Variants in CMTM1 observed in about 807,000 individuals in gnomAD.
CMTM1 encodes CKLF like MARVEL transmembrane domain containing 1, also known as CKLF-like MARVEL transmembrane domain-containing protein 1.
Under a neutral mutation model 17.8 loss-of-function variants are expected in CMTM1, and 16 were observed. The ratio of observed to expected loss-of-function variants is 0.90; its 90% CI spans 0.61 to 1.37. The LOEUF (loss-of-function observed/expected upper bound fraction) is 1.37. Among genes scored for constraint, CMTM1 ranks in the 40% most tolerant of loss-of-function variants. CMTM1 has a pLI of 0.00. For synonymous variants in CMTM1, 169 were observed against 154.6 expected, an observed-to-expected ratio of 1.09 and a Z score of -0.69; for missense variants, 354 against 375.6, an observed-to-expected ratio of 0.94 and a Z score of 0.47.
chr16:66,570,172 A>ACAACG, intron 2 of CMTM1, 78 bp downstream of exon 2: 3 of 1,137,884 alleles, frequency 2.6e-6, no homozygotes, highest in Middle Eastern at 4.1e-4. Context: ...TTAAGTGAAA[A>ACAACG]CAACGGAGCT....
chr16:66,577,446 T>C (rs946354446), intron 3 of CMTM1, among the ~76,000 whole-genome samples: 7 of 152,242 alleles, frequency 4.6e-5, no homozygotes, highest in Admixed American at 6.5e-5. Context: ...CTTTTGAGAA[T>C]TGTGGACACT....
At chr16:66,567,024 C>T (rs1425441483) in intron 1 of CMTM1, 79 bp downstream of exon 1, 2 of 1,434,926 alleles carry the variant, frequency 1.4e-6, no homozygotes, top group Non-Finnish European at 1.9e-6. Flanking sequence ...GGGGTGCCAG[C>T]TCCAGAAACC....
Position 66,577,905 on chromosome 16 carries a change from T to G in CMTM1, c.690+703T>G, listed in dbSNP as rs148821481. On this transcript the variant is annotated intron_variant, in intron 3 of 3. Transcript: ENST00000379500. ...GAAATTAATGCAGAAAAAGAGTTCA[T>G]TTGAATTCATTCTATAATCAATAAA... Among the ~76,000 whole-genome samples the G allele has an allele frequency of 5.9e-3, 895 of 152,354 alleles. 5 individuals are homozygous for G. Among genetic ancestry groups the G allele is most frequent in the Non-Finnish European group, 0.011 (728 of 68,034 alleles).
chr16:66,567,796 A>G (rs1003309979), intron 1 of CMTM1, among the ~76,000 whole-genome samples: 4 of 152,234 alleles, frequency 2.6e-5, no homozygotes, highest in African/African-American at 9.6e-5. Flanking sequence ...CATCAGCAAA[A>G]CTGAAAGGAT....
chr16:66,570,148 A>G (rs993570402), intron 2 of CMTM1, 54 bp downstream of exon 2: 2 of 1,394,758 alleles, frequency 1.4e-6, no homozygotes, highest in Non-Finnish European at 2.0e-6. Context: ...TCAGCCCCAG[A>G]GTAAGGGCTC....
chr16:66,574,837 A>AT, intron 2 of CMTM1: 1 of 572,036 alleles, frequency 1.7e-6, no homozygotes, highest in East Asian at 1.4e-4. Flanking sequence ...ACAGAGAGCA[A>AT]TTTTTAAAAA....
chr16:66,567,471 G>T (rs8057828), intron 1 of CMTM1: 11,916 of 220,780 alleles, frequency 0.054, 553 homozygotes, highest in Admixed American at 0.12. Flanking sequence ...CCATGTCCCC[G>T]CAAAGGACAT....
rs150962863 is a variant in CMTM1 at position 66,566,595 on chromosome 16, G to T, written c.82G>T (p.Ala28Ser). ...LKQPETAAALASSGSVVSSVP... is the reference protein window; with the variant it reads ...LKQPETAAALSSSGSVVSSVP... Reference sequence around the variant, plus strand: ...ACAACCGGAGACTGCCGCAGCCCTGGCAAGTAGCGGCAGCGTAGTGAGTTC... The same window carrying T: ...ACAACCGGAGACTGCCGCAGCCCTGTCAAGTAGCGGCAGCGTAGTGAGTTC... The change falls in exon 1 of 4, where the codon GCA becomes TCA. Residue 28 changes from alanine (A) to serine (S), a missense_variant. By Grantham distance (99) the Ala-to-Ser change is moderately conservative (BLOSUM62 1). Transcript: ENST00000379500. This position sits in a 1 kb window ranked among gnomAD's most constrained non-coding sequence, Gnocchi z 4.9. 5.0e-6 allele frequency: 8 copies of T among 1,614,010 alleles called. No individual in the cohort carries two copies. Among genetic ancestry groups the T allele is most frequent in the Non-Finnish European group, 6.8e-6 (8 of 1,179,966 alleles).
At position 66,566,543 on chromosome 16, in the gene CMTM1, A is replaced by T. The variant is rs1567368759; in HGVS notation, c.30A>T (p.Ser10=). 6.2e-7 allele frequency: 1 copy of T among 1,613,030 alleles called. No homozygotes were observed. The highest frequency in any genetic ancestry group is 2.2e-5 in the East Asian group (1 of 44,868). The change falls in exon 1 of 4, where the codon TCA becomes TCT. Residue 10 remains serine (S), a synonymous_variant. Coordinates refer to ENST00000379500, the MANE Select transcript of CMTM1 (RefSeq NM_052999.4). This position sits in a 1 kb window ranked among gnomAD's most constrained non-coding sequence, Gnocchi z 4.9. The part of the protein sequence containing the change: MDPEHAKPE[S]SEAPSGNLKQ... ...ATCCTGAACACGCCAAACCTGAGTCATCCGAGGCACCTTCAGGGAACTTGA... is the reference window on the plus strand; with the variant it reads ...ATCCTGAACACGCCAAACCTGAGTCTTCCGAGGCACCTTCAGGGAACTTGA...
intron 2 of CMTM1, among the ~76,000 whole-genome samples, chr16:66,571,838 T>G (rs983304956): frequency 1.3e-5 from 2 of 152,296 alleles, no homozygotes; most frequent in African/African-American, 4.8e-5. Context: ...TACTTTGCTG[T>G]AGGGTTCAGT....
At position 66,571,310 on chromosome 16, in the gene CMTM1, A is replaced by G. The variant is rs2013498139; in HGVS notation, c.591+1216A>G. 5.1e-6 allele frequency: 2 copies of G among 395,166 alleles called. 1 individual carries two copies. The highest frequency in any genetic ancestry group is 3.7e-5 in the South Asian group (2 of 53,802). 24.5% of individuals were successfully genotyped at this position (395,166 alleles called of 1,614,324 possible). A position where few individuals can be genotyped will look rare whatever the true frequency, so the allele number is the denominator to read the frequency against. On this transcript the variant is annotated intron_variant, in intron 2 of 3. Coordinates refer to ENST00000379500, the MANE Select transcript of CMTM1 (RefSeq NM_052999.4). ...TTTGAGCATATACCATGTGCCAGAT[A>G]CTTTTTCATGTCACCTTATTTAATC...
intron 1 of CMTM1, among the ~76,000 whole-genome samples, chr16:66,568,235 CAAG>C (rs1359337228): frequency 6.6e-6 from 1 of 151,974 alleles, no homozygotes; most frequent in African/African-American, 2.4e-5. Context: ...TACAATACCA[CAAG>C]AAAGAAACAG....
intron 2 of CMTM1, among the ~76,000 whole-genome samples, chr16:66,576,072 C>T (rs1375899948): frequency 2.0e-5 from 3 of 152,204 alleles, no homozygotes; most frequent in Non-Finnish European, 4.4e-5. Flanking sequence ...CATTTCAGCA[C>T]ACAAAGAAGC....
intron 1 of CMTM1, among the ~76,000 whole-genome samples, chr16:66,569,609 C>A (rs1032236516): frequency 4.6e-5 from 7 of 152,148 alleles, no homozygotes; most frequent in African/African-American, 1.4e-4. Context: ...CTGTTTCTAC[C>A]AAAATCAATG....
chr16:66,570,701 G>A (rs4783569), intron 2 of CMTM1, among the ~76,000 whole-genome samples: 7,718 of 152,312 alleles, frequency 0.051, 320 homozygotes, highest in East Asian at 0.12. Flanking sequence ...GAGGCAGTAC[G>A]GTTTTGTCCA....
intron 1 of CMTM1, among the ~76,000 whole-genome samples, chr16:66,569,066 TTC>T (rs1341623302): frequency 6.6e-6 from 1 of 152,174 alleles, no homozygotes; most frequent in East Asian, 1.9e-4. Context: ...AAGAAAATAT[TTC>T]TGTTTACAAC....
At chr16:66,575,303 A>G in intron 2 of CMTM1, 1 of 729,936 alleles carries the variant, frequency 1.4e-6, no homozygotes, top group Non-Finnish European at 1.7e-6. Flanking sequence ...AGATGCTTTC[A>G]GATTCATTAT....
At chr16:66,569,259 A>C (rs775645601) in intron 1 of CMTM1, among the ~76,000 whole-genome samples, 4 of 152,372 alleles carry the variant, frequency 2.6e-5, no homozygotes, top group Middle Eastern at 3.4e-3. Context: ...TAAGTATTTC[A>C]TTTAGAAATC....
chr16:66,570,737 G>A (rs901057511), intron 2 of CMTM1, among the ~76,000 whole-genome samples: 1 of 152,184 alleles, frequency 6.6e-6, no homozygotes, highest in Non-Finnish European at 1.5e-5. Context: ...CCAGATTCTG[G>A]TCCTGCCACC....
Sources: allele counts gnomAD v4.1 joint callset (sites outside exome capture counted in the v4.1 genomes callset), GRCh38; gene constraint gnomAD v4.1.1; non-coding constraint Gnocchi (gnomAD v3.1); transcripts MANE v1.5; gene names NCBI Gene and HGNC (gene_info 2026-07-23, HGNC 2026-07-21).